AGBL4: variants seen among roughly 807,000 people sequenced by gnomAD.
AGBL4 encodes cytosolic carboxypeptidase 6.
AGBL4 carries 58 observed loss-of-function variants against 66.4 expected under a neutral mutation model. The ratio of observed to expected loss-of-function variants is 0.87; its 90% CI spans 0.71 to 1.09. The LOEUF (loss-of-function observed/expected upper bound fraction) is 1.09. AGBL4 is among the 50% of genes least tolerant of loss of function. AGBL4 has a pLI of 0.00. For synonymous variants in AGBL4, 234 were observed against 222.9 expected (o/e 1.05, Z -0.44); for missense variants, 579 against 631.0 (o/e 0.92, Z 0.88).
chr1:49,147,084 G>C (rs1241982396), intron 4 of AGBL4, among the ~76,000 whole-genome samples: 2 of 152,102 alleles, frequency 1.3e-5, no homozygotes, highest in Non-Finnish European at 2.9e-5. Context: ...CAGGAGATAG[G>C]TTTTTCTGTC....
intron 2 of AGBL4, among the ~76,000 whole-genome samples, chr1:49,839,830 A>G (rs1645944780): frequency 6.6e-6 from 1 of 152,222 alleles, no homozygotes; most frequent in Admixed American, 6.5e-5. Context: ...ACAAGAATGC[A>G]TTGTACAATA....
chr1:49,357,763 C>G lies in AGBL4; in HGVS notation c.283-111899G>C, dbSNP rs1269924787. On this transcript the variant is annotated intron_variant, in intron 3 of 13. Coordinates refer to ENST00000371839, the MANE Select transcript of AGBL4 (RefSeq NM_032785.4). ...CAGGAAATAACTTCTTTAGAGTATT[C>G]GTGAAAAATAAGGAGAAACAGTACT... 3.3e-5 allele frequency among the ~76,000 whole-genome samples: 5 copies of G among 152,134 alleles called. No individual in the cohort carries two copies. In the East Asian group the frequency reaches 7.7e-4, roughly 23 times the overall value.
Position 49,632,206 on chromosome 1 carries a change from T to G in AGBL4, c.282+65107A>C, listed in dbSNP as rs1007978865. ...GCTGGGTCATATTAAGATTTAATATTCCAGAGGGAGTCTGGGAATATGGTG... is the reference window on the plus strand; with the variant it reads ...GCTGGGTCATATTAAGATTTAATATGCCAGAGGGAGTCTGGGAATATGGTG... On this transcript the variant is annotated intron_variant, in intron 3 of 13. Coordinates refer to ENST00000371839, the MANE Select transcript of AGBL4 (RefSeq NM_032785.4). Among the ~76,000 whole-genome samples, 100 of 152,186 alleles carry G rather than the reference T, an allele frequency of 6.6e-4. 1 individual carries two copies. The highest frequency in any genetic ancestry group is 2.3e-3 in the African/African-American group (97 of 41,458).
chr1:49,400,873 G>T (rs375917129), intron 3 of AGBL4, among the ~76,000 whole-genome samples: 2 of 151,968 alleles, frequency 1.3e-5, no homozygotes, highest in Non-Finnish European at 1.5e-5. Context: ...GATTTCTCTA[G>T]CTAGGACAAT....
At chr1:48,674,934 G>A (rs760799331) in intron 6 of AGBL4, among the ~76,000 whole-genome samples, 9 of 152,064 alleles carry the variant, frequency 5.9e-5, no homozygotes, top group Non-Finnish European at 1.0e-4. Context: ...ATAGTAATTT[G>A]CTTCTCTTTC....
intron 3 of AGBL4, among the ~76,000 whole-genome samples, chr1:49,492,398 T>C (rs1267714456): frequency 1.3e-5 from 2 of 151,934 alleles, no homozygotes; most frequent in East Asian, 1.9e-4. Context: ...TATGAATTGT[T>C]TACTTTTGAA....
intron 3 of AGBL4, among the ~76,000 whole-genome samples, chr1:49,687,281 A>G (rs1646804475): frequency 6.6e-6 from 1 of 152,222 alleles, no homozygotes; most frequent in South Asian, 2.1e-4. Flanking sequence ...TAAATAGATT[A>G]AACTTGAATG....
At chr1:48,973,419 A>G (rs1659070304) in intron 5 of AGBL4, among the ~76,000 whole-genome samples, 1 of 152,132 alleles carries the variant, frequency 6.6e-6, no homozygotes, top group Admixed American at 6.6e-5. Context: ...TACAATATCC[A>G]CAATTAGAAT....
At chr1:49,698,687 G>A (rs528616179) in intron 2 of AGBL4, among the ~76,000 whole-genome samples, 1 of 152,106 alleles carries the variant, frequency 6.6e-6, no homozygotes, top group East Asian at 1.9e-4. Context: ...AAGTGGTAAG[G>A]CTTAATAAAA....
At chr1:49,116,527 A>G (rs1645526694) in intron 4 of AGBL4, among the ~76,000 whole-genome samples, 1 of 152,196 alleles carries the variant, frequency 6.6e-6, no homozygotes, top group Non-Finnish European at 1.5e-5. Context: ...AGCTTCATCC[A>G]TGTCCCTGCA....
intron 6 of AGBL4, among the ~76,000 whole-genome samples, chr1:48,772,283 C>T (rs753202365): frequency 2.0e-5 from 3 of 152,182 alleles, no homozygotes; most frequent in East Asian, 3.8e-4. Context: ...CTCTCTTGGG[C>T]GCAGAGGGAG....
chr1:49,770,279 AATG>A (rs747902844), intron 2 of AGBL4, among the ~76,000 whole-genome samples: 10 of 152,358 alleles, frequency 6.6e-5, no homozygotes, highest in Admixed American at 1.3e-4. Context: ...CTATTGAAAT[AATG>A]ATATGATTTT....
chr1:48,591,221 C>T (rs939590036), intron 9 of AGBL4, among the ~76,000 whole-genome samples: 3 of 152,006 alleles, frequency 2.0e-5, no homozygotes, highest in African/African-American at 7.2e-5. Flanking sequence ...ATGGTTTTCC[C>T]TCAGGGTCTG....
At chr1:49,777,784 A>G (rs562128452) in intron 2 of AGBL4, among the ~76,000 whole-genome samples, 1 of 152,378 alleles carries the variant, frequency 6.6e-6, no homozygotes, top group South Asian at 2.1e-4. Context: ...TGTGGATATT[A>G]GTAGACACTC....
At chr1:48,644,357 G>T (rs536032532) in intron 8 of AGBL4, among the ~76,000 whole-genome samples, 159 of 152,180 alleles carry the variant, frequency 1.0e-3, no homozygotes, top group Non-Finnish European at 1.9e-3. Context: ...TCTTGGCTGG[G>T]TTAAGAGGTG....
At position 49,976,967 on chromosome 1, in the gene AGBL4, A is replaced by G. The variant is rs545296191; in HGVS notation, c.34+46796T>C. On this transcript the variant is annotated intron_variant, in intron 1 of 13. Transcript: ENST00000371839. ...TCTGTAAAAGATTAGTCTTTAGCCA[A>G]TTTACTCAATATACACACATACTTC... is the stretch of plus-strand genomic sequence containing the variant. Among the ~76,000 whole-genome samples, 4 of 152,338 alleles carry G rather than the reference A, an allele frequency of 2.6e-5. No individual in the cohort carries two copies. In the East Asian group the frequency reaches 5.8e-4, roughly 22 times the overall value.
intron 6 of AGBL4, among the ~76,000 whole-genome samples, chr1:48,698,129 T>A (rs910932622): frequency 6.6e-6 from 1 of 152,164 alleles, no homozygotes; most frequent in African/African-American, 2.4e-5. Context: ...CTCTGGGAAA[T>A]CTGCCTCCAT....
intron 4 of AGBL4, among the ~76,000 whole-genome samples, chr1:49,192,766 G>T (rs1406146583): frequency 2.6e-5 from 4 of 152,104 alleles, no homozygotes; most frequent in Non-Finnish European, 4.4e-5. Flanking sequence ...TTCACTACTT[G>T]ATACTCACAA....
chr1:49,810,373 A>C (rs1022809333), intron 2 of AGBL4, among the ~76,000 whole-genome samples: 2 of 152,188 alleles, frequency 1.3e-5, no homozygotes, highest in Non-Finnish European at 2.9e-5. Context: ...CTATACTAGA[A>C]AGTAGAATAT....
Sources: allele counts gnomAD v4.1 joint callset (sites outside exome capture counted in the v4.1 genomes callset), GRCh38; gene constraint gnomAD v4.1.1; transcripts MANE v1.5; gene names NCBI Gene and HGNC (gene_info 2026-07-23, HGNC 2026-07-21).